Variants in HYCC1 observed in about 807,000 individuals in gnomAD.
HYCC1 encodes the protein hyccin PI4KA lipid kinase complex subunit 1.
At chr7:22,939,189 C>G in the HYCC1 span, 1 of 152,066 alleles carries the variant, frequency 6.6e-6, no homozygotes, top group African/African-American at 2.4e-5. Context: ...CTATTACAAG[C>G]AATACTGCAA....
At chr7:22,939,938 G>A in the HYCC1 span, 1 of 152,192 alleles carries the variant, frequency 6.6e-6, no homozygotes, top group East Asian at 1.9e-4. Flanking sequence ...AACTACAACT[G>A]GTTGTAAAAA....
the HYCC1 span, among the ~76,000 whole-genome samples, chr7:22,927,085 G>A: frequency 1.3e-5 from 2 of 152,142 alleles, no homozygotes; most frequent in African/African-American, 2.4e-5. Context: ...AATGACTACT[G>A]GATACATAAC....
the HYCC1 span, among the ~76,000 whole-genome samples, chr7:22,995,467 T>G: frequency 1.3e-5 from 2 of 152,310 alleles, no homozygotes; most frequent in African/African-American, 4.8e-5. Flanking sequence ...TCAAAGTCTA[T>G]GATCATAGCC....
the HYCC1 span, among the ~76,000 whole-genome samples, chr7:22,950,420 T>C: frequency 4.6e-5 from 7 of 152,026 alleles, no homozygotes; most frequent in African/African-American, 1.7e-4. Context: ...AAAAGTAGCT[T>C]GTATATAGTA....
chr7:22,921,454 C>A, the HYCC1 span, among the ~76,000 whole-genome samples: 1 of 151,944 alleles, frequency 6.6e-6, no homozygotes, highest in African/African-American at 2.4e-5. Flanking sequence ...TTAATAGACA[C>A]AAAATTACAT....
chr7:22,915,464 G>A, the HYCC1 span, among the ~76,000 whole-genome samples: 1 of 152,176 alleles, frequency 6.6e-6, no homozygotes, highest in Non-Finnish European at 1.5e-5. Flanking sequence ...TGTCCCATCT[G>A]TGCAGGACCC....
chr7:23,008,786 G>A, the HYCC1 span, among the ~76,000 whole-genome samples: 4 of 151,934 alleles, frequency 2.6e-5, no homozygotes, highest in Admixed American at 6.6e-5. Flanking sequence ...GACGATAACT[G>A]TTCAATAAAC....
At chr7:22,966,528 T>C in the HYCC1 span, among the ~76,000 whole-genome samples, 2 of 152,204 alleles carry the variant, frequency 1.3e-5, no homozygotes. Flanking sequence ...AAATAAACAG[T>C]AAGTTTTTAT....
chr7:22,958,640 T>A, the HYCC1 span, among the ~76,000 whole-genome samples: 2 of 152,104 alleles, frequency 1.3e-5, no homozygotes, highest in African/African-American at 4.8e-5. Flanking sequence ...TGTTTTGTAA[T>A]TTTTTTCCTA....
chr7:22,916,320 T>G, the HYCC1 span, among the ~76,000 whole-genome samples: 3 of 151,796 alleles, frequency 2.0e-5, no homozygotes, highest in Non-Finnish European at 2.9e-5. Context: ...CCTAAATACC[T>G]CCCTCCACAA....
At chr7:22,958,482 T>A in the HYCC1 span, among the ~76,000 whole-genome samples, 1 of 152,128 alleles carries the variant, frequency 6.6e-6, no homozygotes, top group Non-Finnish European at 1.5e-5. Context: ...GTGTTAGAAT[T>A]GTGAAGGGGT....
chr7:22,990,917 A>G, the HYCC1 span: 4 of 627,222 alleles, frequency 6.4e-6, no homozygotes, highest in Non-Finnish European at 1.1e-5. Context: ...CTATGTGTAA[A>G]TAACTCTCTA....
the HYCC1 span, chr7:22,961,210 T>G: frequency 3.5e-6 from 5 of 1,413,238 alleles, no homozygotes; most frequent in South Asian, 4.6e-5. Context: ...ATTATAACAT[T>G]TACATAAATA....
chr7:23,007,903 C>G, the HYCC1 span, among the ~76,000 whole-genome samples: 1 of 151,964 alleles, frequency 6.6e-6, no homozygotes. Flanking sequence ...TCTTGGTTCC[C>G]CCTGAAAAGG....
chr7:22,971,189 A>G, the HYCC1 span, among the ~76,000 whole-genome samples: 2 of 151,198 alleles, frequency 1.3e-5, no homozygotes, highest in African/African-American at 2.4e-5. Flanking sequence ...AGGAAGACCC[A>G]TTCCAGTGAG....
At chr7:23,004,508 G>A in the HYCC1 span, among the ~76,000 whole-genome samples, 1 of 152,066 alleles carries the variant, frequency 6.6e-6, no homozygotes, top group African/African-American at 2.4e-5. Context: ...CCTTTCTGAG[G>A]TGCAACCTAA....
At chr7:22,931,862 A>G in the HYCC1 span, among the ~76,000 whole-genome samples, 1 of 152,166 alleles carries the variant, frequency 6.6e-6, no homozygotes, top group Admixed American at 6.6e-5. Flanking sequence ...AAACTTGGAG[A>G]TTTAGTGGAG....
chr7:22,967,492 G>A, the HYCC1 span, among the ~76,000 whole-genome samples: 1 of 152,184 alleles, frequency 6.6e-6, no homozygotes, highest in Non-Finnish European at 1.5e-5. Context: ...GCCAGAACAT[G>A]AATATCTTAT....
the HYCC1 span, among the ~76,000 whole-genome samples, chr7:22,920,853 C>A: frequency 6.6e-6 from 1 of 152,174 alleles, no homozygotes; most frequent in East Asian, 1.9e-4. Context: ...GTGGATCCCT[C>A]ATGCATGACT....
Sources: allele counts gnomAD v4.1 joint callset (sites outside exome capture counted in the v4.1 genomes callset), GRCh38; gene constraint gnomAD v4.1.1; transcripts MANE v1.5; gene names NCBI Gene and HGNC (gene_info 2026-07-23, HGNC 2026-07-21).